The following CEP57 variants were observed in gnomAD, a reference collection of about 807,000 sequenced individuals.
The protein encoded by CEP57 is centrosomal protein 57, also known as centrosomal protein of 57 kDa.
A neutral mutation model predicts 68.0 loss-of-function variants in CEP57; 40 were observed. That is an observed-to-expected ratio of 0.59 (90% CI 0.46 to 0.77). The LOEUF is 0.77. Among genes scored for constraint, CEP57 ranks in the 30% least tolerant of loss-of-function variants. The pLI is 0.00. For missense variants in CEP57, 606 were observed against 580.7 expected, an observed-to-expected ratio of 1.04 and a Z score of -0.45; for synonymous variants, 219 against 198.7, an observed-to-expected ratio of 1.10 and a Z score of -0.86.
At chr11:95,824,423 G>A (rs1033529368) in intron 8 of CEP57, among the ~76,000 whole-genome samples, 4 of 152,042 alleles carry the variant, frequency 2.6e-5, no homozygotes, top group African/African-American at 9.7e-5. Flanking sequence ...TATGATTTGA[G>A]AAAAAGGAAA....
intron 9 of CEP57, among the ~76,000 whole-genome samples, chr11:95,828,943 G>A (rs1189057220): frequency 1.3e-5 from 2 of 151,728 alleles, no homozygotes; most frequent in African/African-American, 4.9e-5. Flanking sequence ...TCGGGAGGCT[G>A]AGGCAGGAGA....
At chr11:95,802,380 G>A (rs1861620598) in intron 2 of CEP57, among the ~76,000 whole-genome samples, 1 of 151,256 alleles carries the variant, frequency 6.6e-6, no homozygotes, top group Non-Finnish European at 1.5e-5. Context: ...TCAGCCTCCT[G>A]AGTAGCTGGG....
chr11:95,817,795 A>T lies in CEP57; in HGVS notation c.513A>T (p.Leu171=). 6.2e-7 allele frequency: 1 copy of T among 1,610,650 alleles called. No homozygotes were observed. Among genetic ancestry groups the T allele is most frequent in the Non-Finnish European group, 8.5e-7 (1 of 1,176,864 alleles). ...TGAATATTGTTTTTCAGGTTTCCCT[A>T]GAAAGAGAACGACAACATGATCAAA... ...RTSVLEKQVS[L]ERERQHDQTH... is the part of the protein sequence containing the mutation. The change falls in exon 5 of 11, where the codon CTA becomes CTT. Residue 171 remains leucine (L), a synonymous_variant. Coordinates refer to ENST00000325542, the MANE Select transcript of CEP57 (RefSeq NM_014679.5).
At chr11:95,813,805 T>TTG (rs1862181137) in intron 4 of CEP57, among the ~76,000 whole-genome samples, 1 of 152,214 alleles carries the variant, frequency 6.6e-6, no homozygotes, top group Non-Finnish European at 1.5e-5. Flanking sequence ...AAAAATACAG[T>TTG]TGTGAGATGT....
chr11:95,822,882 A>T, intron 8 of CEP57: 2 of 364,352 alleles, frequency 5.5e-6, no homozygotes, highest in Non-Finnish European at 5.2e-6. Context: ...GTATGTTTGT[A>T]GCATTGGATT....
chr11:95,827,691 G>A, intron 8 of CEP57, 95 bp from the exon 9 acceptor site: 1 of 1,384,670 alleles, frequency 7.2e-7, no homozygotes, highest in Non-Finnish European at 1.0e-6. Context: ...TCTACTTTAG[G>A]GGGTGGAGAG....
Position 95,832,060 on chromosome 11 carries a change from A to T in CEP57, c.*804A>T, listed in dbSNP as rs939058529. ...TTCAGTCAAGGCATTATGGTTTTTA[A>T]TCTTGAAACTTAGAGAACCCTTTGA... is the stretch of plus-strand genomic sequence containing the variant. On this transcript the variant is annotated 3_prime_UTR_variant, in exon 11 of 11. Coordinates refer to ENST00000325542, the MANE Select transcript of CEP57 (RefSeq NM_014679.5). The T allele has an allele frequency of 6.6e-6, 1 of 152,134 alleles. No homozygotes were observed. The highest frequency in any genetic ancestry group is 1.5e-5 in the Non-Finnish European group (1 of 68,012). 9.4% of individuals were successfully genotyped at this position (152,134 alleles called of 1,614,324 possible).
In CEP57 at chr11:95,827,786, T is replaced by C; in HGVS notation, c.886T>C (p.Ser296Pro). Residue 296 changes from serine to proline, a missense_variant and splice_region_variant, in exon 9 of 11, where the codon TCC (serine) becomes CCC (proline). Transcript: ENST00000325542. ...TCTTTCATCATTTTTCTTCCTTTAG[T>C]CCACAAGCCCTAGCCATGCCGTGGT... is the stretch of plus-strand genomic sequence containing the variant. ...LGDMPFVAGK[S>P]TSPSHAVVAN... The C allele has an allele frequency of 1.2e-6, 2 of 1,614,052 alleles. No individual in the cohort carries two copies. Among genetic ancestry groups the C allele is most frequent in the South Asian group, 2.2e-5 (2 of 91,082 alleles).
intron 2 of CEP57, among the ~76,000 whole-genome samples, chr11:95,811,344 A>G (rs575360635): frequency 6.7e-6 from 1 of 149,348 alleles, no homozygotes; most frequent in African/African-American, 2.5e-5. Context: ...AAAACCAGAC[A>G]CCACATGTTC....
chr11:95,804,986 GA>G (rs1488847952), intron 2 of CEP57, among the ~76,000 whole-genome samples: 39 of 152,172 alleles, frequency 2.6e-4, no homozygotes, highest in African/African-American at 8.7e-4. Flanking sequence ...AGCCATTCAA[GA>G]ATACATAAAA....
At chr11:95,824,442 A>G (rs1384438043) in intron 8 of CEP57, among the ~76,000 whole-genome samples, 3 of 152,284 alleles carry the variant, frequency 2.0e-5, no homozygotes, top group Admixed American at 6.5e-5. Context: ...AAGTCATTAT[A>G]TGACAACTTA....
intron 5 of CEP57, 145 bp downstream of exon 5, chr11:95,818,048 A>G: frequency 1.6e-6 from 1 of 640,816 alleles, no homozygotes; most frequent in East Asian, 2.9e-5. Flanking sequence ...GAAAATATAA[A>G]TTTGGAGAGA....
intron 1 of CEP57, among the ~76,000 whole-genome samples, chr11:95,791,196 A>G (rs1294812477): frequency 1.3e-5 from 2 of 152,176 alleles, no homozygotes; most frequent in African/African-American, 2.4e-5. Context: ...GTCGTTGCTT[A>G]TGCTGTTTCC....
chr11:95,812,311 C>A (rs1399625634), intron 2 of CEP57, among the ~76,000 whole-genome samples: 1 of 151,984 alleles, frequency 6.6e-6, no homozygotes, highest in Non-Finnish European at 1.5e-5. Flanking sequence ...GTTATGTGAA[C>A]TTTGTATGAT....
chr11:95,820,885 G>C (rs1280075083), intron 6 of CEP57, among the ~76,000 whole-genome samples: 1 of 152,128 alleles, frequency 6.6e-6, no homozygotes, highest in Admixed American at 6.5e-5. Context: ...GATGCTTCCT[G>C]AGGGTAGAGA....
In CEP57 at chr11:95,812,966, G is replaced by A. The variant is rs758806662; in HGVS notation, c.237G>A (p.Lys79=). 1.2e-6 allele frequency: 2 copies of A among 1,614,004 alleles called. No homozygotes were observed. The highest frequency in any genetic ancestry group is 1.1e-5 in the South Asian group (1 of 91,064). ...IFSALKNLQD[K]IRRLELERIQ... is the part of the protein sequence containing the mutation. ...CTGCTCTTAAGAATCTTCAAGATAA[G>A]ATTCGACGCTTGGAACTTGAGAGGA... The change falls in exon 3 of 11, where the codon AAG becomes AAA. Residue 79 remains lysine, a synonymous_variant. Transcript: ENST00000325542.
rs182136095 is a variant in CEP57, at chr11:95,811,769, T to C, written c.203-1163T>C. Among the ~76,000 whole-genome samples the C allele has an allele frequency of 3.5e-3, 535 of 152,262 alleles. 1 individual carries two copies. Among genetic ancestry groups the C allele is most frequent in the Non-Finnish European group, 6.1e-3 (417 of 68,006 alleles). ...ATAACATATATGAAAAGATTTATACTTTGATGGAAATGGAAAATAACTAGG... is the reference window on the plus strand; with the variant it reads ...ATAACATATATGAAAAGATTTATACCTTGATGGAAATGGAAAATAACTAGG... On this transcript the variant is annotated intron_variant, in intron 2 of 10. Transcript: ENST00000325542.
In CEP57 at chr11:95,828,102, A is replaced by ATT. The variant is rs1251254233; in HGVS notation, c.1127+75_1127+76insTT. ...TTTTTAAAAACTTGTTGACTTTATT[A>ATT]AATCTTACTTTCCTTTGTTGAGCAA... On this transcript the variant is annotated intron_variant, in intron 9 of 10. Coordinates refer to ENST00000325542, the MANE Select transcript of CEP57 (RefSeq NM_014679.5). 11 of 655,978 alleles carry ATT rather than the reference A, an allele frequency of 1.7e-5. No individual in the cohort carries two copies. In the East Asian group the frequency reaches 4.8e-4, roughly 29 times the overall value. 40.6% of individuals were successfully genotyped at this position (655,978 alleles called of 1,614,324 possible). A position where few individuals can be genotyped will look rare whatever the true frequency, so the allele number is the denominator to read the frequency against.
In CEP57 at chr11:95,813,476, T is replaced by A. The variant is rs1862163986; in HGVS notation, c.391T>A (p.Ser131Thr). The A allele has an allele frequency of 6.2e-6, 10 of 1,612,012 alleles. No homozygotes were observed. Among genetic ancestry groups the A allele is most frequent in the Non-Finnish European group, 7.6e-6 (9 of 1,179,744 alleles). Reference protein sequence around the residue: ...EESKHNQELTSQLLAAENKCN... With the variant: ...EESKHNQELTTQLLAAENKCN... ...TTATGTATTCTTTTTAGAACTGACA[T>A]CTCAGTTGTTAGCTGCAGAAAATAA... The change falls in exon 4 of 11, where the codon TCT becomes ACT. Residue 131 changes from serine (S) to threonine (T), a missense_variant. By Grantham distance (58) the Ser-to-Thr change is moderately conservative (BLOSUM62 1). Transcript: ENST00000325542.
Sources: gnomAD v4.1 joint callset for allele counts (sites outside exome capture counted in the v4.1 genomes callset) on GRCh38, gnomAD v4.1.1 for gene constraint, MANE v1.5 for transcripts, NCBI Gene and HGNC (gene_info 2026-07-23, HGNC 2026-07-21) for gene names.